LCOR: variants seen among roughly 807,000 people sequenced by gnomAD.
The protein encoded by LCOR is ligand-dependent corepressor.
In LCOR, 14 loss-of-function variants were observed where a neutral mutation model predicts 64.4. The ratio of observed to expected loss-of-function variants is 0.22; its 90% CI spans 0.14 to 0.34. The LOEUF is 0.34. Ranked by LOEUF, LCOR falls within the 10% of genes least tolerant of loss-of-function variation. The pLI is 1.00. For synonymous variants in LCOR, 643 were observed against 642.5 expected, an observed-to-expected ratio of 1.00 and a Z score of -0.01; for missense variants, 1,686 against 1,765.3, an observed-to-expected ratio of 0.96 and a Z score of 0.80.
rs377359734 is a variant in LCOR at position 96,883,231 on chromosome 10, A to G, written c.-329-24034A>G. Among the ~76,000 whole-genome samples, 20 of 152,130 alleles carry G rather than the reference A, an allele frequency of 1.3e-4. No homozygotes were observed. In the South Asian group the frequency reaches 4.2e-3, roughly 32 times the overall value. ...GTATTTTTAGTAGAGATGGGGTTTC[A>G]CCATGTTGGTCACACTGGTCTTGAA... is the stretch of plus-strand genomic sequence containing the variant. On this transcript the variant is annotated intron_variant, in intron 2 of 7. Coordinates refer to ENST00000421806, the MANE Select transcript of LCOR (RefSeq NM_001346516.2).
At chr10:96,841,365 T>C (rs1354259106) in intron 2 of LCOR, among the ~76,000 whole-genome samples, 2 of 150,190 alleles carry the variant, frequency 1.3e-5, no homozygotes, top group East Asian at 3.9e-4. Context: ...ACTTACACTT[T>C]TTTTTTTTTT....
At chr10:96,979,413 G>T (rs567605561) in intron 7 of LCOR, among the ~76,000 whole-genome samples, 1 of 152,206 alleles carries the variant, frequency 6.6e-6, no homozygotes, top group Non-Finnish European at 1.5e-5. Context: ...CTAGTGAAAG[G>T]CCTGGCTGTC....
intron 4 of LCOR, among the ~76,000 whole-genome samples, chr10:96,933,634 C>T (rs987214925): frequency 2.0e-5 from 3 of 152,160 alleles, no homozygotes; most frequent in Admixed American, 6.5e-5. Context: ...ATTCTCCTGC[C>T]TCAGCCTCCT....
chr10:96,853,413 A>G (rs1845752516), intron 2 of LCOR, among the ~76,000 whole-genome samples: 2 of 152,244 alleles, frequency 1.3e-5, no homozygotes, highest in African/African-American at 4.8e-5. Context: ...CTACCAAAAT[A>G]AGATAGTGTT....
At chr10:96,836,382 T>C (rs754480639) in intron 2 of LCOR, among the ~76,000 whole-genome samples, 7 of 152,104 alleles carry the variant, frequency 4.6e-5, no homozygotes, top group Non-Finnish European at 1.0e-4. Context: ...ACTTGCCTGA[T>C]AGAACTTGCC....
At chr10:96,975,887 C>T (rs1246400451) in intron 7 of LCOR, among the ~76,000 whole-genome samples, 4 of 151,910 alleles carry the variant, frequency 2.6e-5, no homozygotes, top group East Asian at 1.9e-4. Context: ...TGGTGGTGGG[C>T]GCCTGTAATC....
At chr10:96,979,251 T>C (rs979927450) in intron 7 of LCOR, among the ~76,000 whole-genome samples, 4 of 152,258 alleles carry the variant, frequency 2.6e-5, no homozygotes, top group Admixed American at 6.5e-5. Context: ...TGTGCTGCTG[T>C]ATTTCATGGC....
intron 2 of LCOR, among the ~76,000 whole-genome samples, chr10:96,874,626 C>T (rs1269299736): frequency 6.6e-6 from 1 of 151,812 alleles, no homozygotes; most frequent in Non-Finnish European, 1.5e-5. Context: ...TGTAGAGTAC[C>T]CTATGACTAG....
intron 7 of LCOR, among the ~76,000 whole-genome samples, chr10:96,965,543 TC>T (rs1374965567): frequency 6.7e-6 from 1 of 149,412 alleles, no homozygotes; most frequent in Non-Finnish European, 1.5e-5. Flanking sequence ...GCGCCTGTAG[TC>T]CCAGCTACTC....
At chr10:96,955,130 C>T (rs1354963599) in intron 7 of LCOR, 4 of 1,614,152 alleles carry the variant, frequency 2.5e-6, no homozygotes, top group Non-Finnish European at 3.4e-6. Flanking sequence ...ACCAATTGTC[C>T]ACAGCTGCCA....
chr10:96,975,941 G>A (rs1364123314), intron 7 of LCOR, among the ~76,000 whole-genome samples: 3 of 152,124 alleles, frequency 2.0e-5, no homozygotes, highest in Non-Finnish European at 2.9e-5. Context: ...CTTGAACCCG[G>A]GAGGTGGAGG....
At chr10:96,851,572 G>A (rs1471404269) in intron 2 of LCOR, among the ~76,000 whole-genome samples, 1 of 152,244 alleles carries the variant, frequency 6.6e-6, no homozygotes, top group Non-Finnish European at 1.5e-5. Context: ...GTGAAATCAT[G>A]TCAGTTTATG....
chr10:96,833,117 C>T (rs1845375232), intron 1 of LCOR: 1 of 985,380 alleles, frequency 1.0e-6, no homozygotes, highest in Non-Finnish European at 1.2e-6. Flanking sequence ...ACGCACGGGT[C>T]GGTGTGTGCG....
In LCOR at chr10:96,949,245, C is replaced by T. The variant is rs749236880; in HGVS notation, c.188C>T (p.Ser63Leu). ...LSKLLMADQD[S>L]PLDLTVRKSQ... ...AAACTTCTCATGGCTGACCAAGACT[C>T]ACCTCTGGACCTTACTGTCAGAAAG... The change falls in exon 6 of 8, where the codon TCA becomes TTA. Residue 63 changes from serine (S) to leucine (L), a missense_variant. Ser to Leu is a moderately radical substitution (Grantham distance 145). Transcript: ENST00000421806. The T allele has an allele frequency of 7.4e-6, 12 of 1,614,096 alleles. No homozygotes were observed. The highest frequency in any genetic ancestry group is 9.3e-6 in the Non-Finnish European group (11 of 1,180,016).
At chr10:96,967,956 C>T (rs1006623044) in intron 7 of LCOR, among the ~76,000 whole-genome samples, 2 of 152,076 alleles carry the variant, frequency 1.3e-5, no homozygotes, top group Non-Finnish European at 2.9e-5. Flanking sequence ...AATATAGATG[C>T]CTGGGTCCTA....
chr10:96,932,140 TAAATGCTA>T (rs1847272046), intron 4 of LCOR, among the ~76,000 whole-genome samples: 1 of 152,204 alleles, frequency 6.6e-6, no homozygotes, highest in Non-Finnish European at 1.5e-5. Context: ...TTTTCCTTCC[TAAATGCTA>T]AGACTTATGT....
chr10:96,938,214 TG>T (rs1847386348), intron 4 of LCOR, among the ~76,000 whole-genome samples: 1 of 152,090 alleles, frequency 6.6e-6, no homozygotes, highest in Non-Finnish European at 1.5e-5. Context: ...CCCAGAGAGC[TG>T]GAATTACAGG....
chr10:96,890,485 A>G (rs57347229), intron 2 of LCOR, among the ~76,000 whole-genome samples: 2 of 152,174 alleles, frequency 1.3e-5, no homozygotes, highest in African/African-American at 4.8e-5. Flanking sequence ...AGAATTATGT[A>G]TATATAAAAT....
chr10:96,914,735 A>G (rs2134462736), intron 4 of LCOR, among the ~76,000 whole-genome samples: 1 of 152,356 alleles, frequency 6.6e-6, no homozygotes, highest in South Asian at 2.1e-4. Context: ...GGTAAAGTTT[A>G]GAGTGAGGGT....
Sources: gnomAD v4.1 joint callset for allele counts (sites outside exome capture counted in the v4.1 genomes callset) on GRCh38, gnomAD v4.1.1 for gene constraint, MANE v1.5 for transcripts, NCBI Gene and HGNC (gene_info 2026-07-23, HGNC 2026-07-21) for gene names.